GRB14: variants seen among roughly 807,000 people sequenced by gnomAD.
GRB14 encodes growth factor receptor bound protein 14, also known as growth factor receptor-bound protein 14.
GRB14 carries 38 observed loss-of-function variants against 69.1 expected under a neutral mutation model. The ratio of observed to expected loss-of-function variants is 0.55; its 90% CI spans 0.42 to 0.72. GRB14 has a LOEUF of 0.72. Ranked by LOEUF, GRB14 falls within the 30% of genes least tolerant of loss-of-function variation. GRB14 has a pLI of 0.00. For synonymous variants in GRB14, 247 were observed against 241.3 expected (o/e 1.02, Z -0.22); for missense variants, 666 against 666.1 (o/e 1.00, Z 0.00).
chr2:164,520,533 G>A (rs1217050196), intron 6 of GRB14, among the ~76,000 whole-genome samples: 3 of 152,042 alleles, frequency 2.0e-5, no homozygotes, highest in Non-Finnish European at 4.4e-5. Context: ...AAAAGCTTCT[G>A]CACAGCAAAA....
At chr2:164,575,597 G>A (rs1306213869) in intron 2 of GRB14, among the ~76,000 whole-genome samples, 2 of 152,028 alleles carry the variant, frequency 1.3e-5, no homozygotes, top group Non-Finnish European at 2.9e-5. Context: ...TGCTAACTAA[G>A]ATCAAAAAGA....
At chr2:164,565,482 C>G (rs747418020) in intron 2 of GRB14, among the ~76,000 whole-genome samples, 1 of 152,154 alleles carries the variant, frequency 6.6e-6, no homozygotes, top group African/African-American at 2.4e-5. Context: ...TAACACGTAT[C>G]TAGGAGAAGC....
At chr2:164,607,138 C>T (rs1273065536) in intron 2 of GRB14, among the ~76,000 whole-genome samples, 1 of 152,196 alleles carries the variant, frequency 6.6e-6, no homozygotes, top group Non-Finnish European at 1.5e-5. Flanking sequence ...CAATATCAGA[C>T]TCTTCCTGGA....
intron 3 of GRB14, among the ~76,000 whole-genome samples, chr2:164,542,246 C>A (rs1168077876): frequency 1.3e-5 from 2 of 152,098 alleles, no homozygotes; most frequent in Non-Finnish European, 2.9e-5. Context: ...TGAAAGTGGA[C>A]CCCTACCTTG....
chr2:164,496,963 G>T, intron 12 of GRB14, 45 bp downstream of exon 12: 1 of 1,433,812 alleles, frequency 7.0e-7, no homozygotes, highest in South Asian at 1.1e-5. Flanking sequence ...GCTTATAGGA[G>T]AAATCCAATT....
rs79329766 is a variant in GRB14, at chr2:164,552,190, G to C, written c.325-4374C>G. On this transcript the variant is annotated intron_variant, in intron 2 of 13. Coordinates refer to ENST00000263915, the MANE Select transcript of GRB14 (RefSeq NM_004490.3). ...GCTAAGCTCCACCTCCAACATTGGC[G>C]ATCAAATTTCAACATGAGATTTGGA... Among the ~76,000 whole-genome samples the C allele has an allele frequency of 4.7e-3, 719 of 152,302 alleles. 5 individuals are homozygous for C. Among genetic ancestry groups the C allele is most frequent in the African/African-American group, 0.016 (684 of 41,552 alleles).
chr2:164,521,623 G>A lies in GRB14; in HGVS notation c.816+357C>T, dbSNP rs1214118049. On this transcript the variant is annotated intron_variant, in intron 6 of 13. Coordinates refer to ENST00000263915, the MANE Select transcript of GRB14 (RefSeq NM_004490.3). ...GATGTTGATCAACAGAGATTCAGAA[G>A]TAGACAAGATCAGCAGTATGACCTG... is the stretch of plus-strand genomic sequence containing the variant. Among the ~76,000 whole-genome samples the A allele has an allele frequency of 2.0e-5, 3 of 152,182 alleles. No homozygotes were observed. The East Asian group carries it at 5.8e-4, about 29-fold the overall frequency.
In GRB14 at chr2:164,587,723, A is replaced by T. The variant is rs74405318; in HGVS notation, c.324+31964T>A. Among the ~76,000 whole-genome samples, 413 of 152,334 alleles carry T rather than the reference A, an allele frequency of 2.7e-3. 2 individuals are homozygous for T. Among genetic ancestry groups the T allele is most frequent in the African/African-American group, 8.7e-3 (363 of 41,584 alleles). On this transcript the variant is annotated intron_variant, in intron 2 of 13. Coordinates refer to ENST00000263915, the MANE Select transcript of GRB14 (RefSeq NM_004490.3). ...CCATTTTTATTTTTTCCAATGCAAG[A>T]TCTGCTAGGCTTACTAATCGAAAAC...
intron 2 of GRB14, chr2:164,573,807 C>A: frequency 5.6e-6 from 9 of 1,612,732 alleles, no homozygotes; most frequent in Non-Finnish European, 7.6e-6. Context: ...AACATGTTGG[C>A]AGATAAATTG....
intron 2 of GRB14, among the ~76,000 whole-genome samples, chr2:164,564,026 G>A (rs991210106): frequency 6.6e-6 from 1 of 152,138 alleles, no homozygotes; most frequent in Non-Finnish European, 1.5e-5. Context: ...TGACAAATGA[G>A]TAATAAAGGT....
At chr2:164,528,215 TG>T (rs1687831780) in intron 3 of GRB14, among the ~76,000 whole-genome samples, 1 of 152,100 alleles carries the variant, frequency 6.6e-6, no homozygotes, top group Admixed American at 6.5e-5. Context: ...TTCTTGATCT[TG>T]GGGTTGGTTA....
intron 2 of GRB14, among the ~76,000 whole-genome samples, chr2:164,604,589 G>C (rs1280471079): frequency 6.6e-6 from 1 of 151,044 alleles, no homozygotes; most frequent in Non-Finnish European, 1.5e-5. Context: ...ATGGGATTGA[G>C]AACAAAGACA....
chr2:164,582,130 C>T (rs1170825455), intron 2 of GRB14, among the ~76,000 whole-genome samples: 1 of 152,122 alleles, frequency 6.6e-6, no homozygotes, highest in Admixed American at 6.5e-5. Flanking sequence ...TTTGATATCC[C>T]CATTTGGATG....
chr2:164,621,041 A>AC lies in GRB14; in HGVS notation c.191+77dup. The AC allele has an allele frequency of 8.5e-7, 1 of 1,173,122 alleles. No homozygotes were observed. Among genetic ancestry groups the AC allele is most frequent in the South Asian group, 4.4e-5 (1 of 22,708 alleles). The allele number at this position is 1,173,122 out of a possible 1,614,324, so 72.7% of individuals were successfully genotyped here. ...TGGCCCAGCTCTGGGCACATGGCTC[A>AC]CCCCCTAGGACCGCCTCCTCACCCC... On this transcript the variant is annotated intron_variant, in intron 1 of 13. Transcript: ENST00000263915. The surrounding 1 kb of genome is among the most constrained non-coding windows in gnomAD (Gnocchi z 6.0).
chr2:164,566,716 T>C (rs1688984530), intron 2 of GRB14, among the ~76,000 whole-genome samples: 1 of 152,096 alleles, frequency 6.6e-6, no homozygotes, highest in African/African-American at 2.4e-5. Flanking sequence ...TAATGTTTTA[T>C]AATAATTCTA....
At position 164,518,832 on chromosome 2, in the gene GRB14, G is replaced by A. The variant is rs553296558; in HGVS notation, c.816+3148C>T. Among the ~76,000 whole-genome samples, 23 of 151,878 alleles carry A rather than the reference G, an allele frequency of 1.5e-4. 1 individual carries two copies. The South Asian group carries it at 4.0e-3, about 26-fold the overall frequency. On this transcript the variant is annotated intron_variant, in intron 6 of 13. Transcript: ENST00000263915. ...GATTAAGCCAGGAAGACATAAAAAC[G>A]CTGAGCAGACCAATAACAAGCAGTG...
chr2:164,619,184 G>A (rs1690380504), intron 2 of GRB14, among the ~76,000 whole-genome samples: 5 of 152,188 alleles, frequency 3.3e-5, no homozygotes, highest in Admixed American at 3.3e-4. Flanking sequence ...GGAATCCACT[G>A]AAATGAAGAC....
intron 2 of GRB14, among the ~76,000 whole-genome samples, chr2:164,579,215 A>G (rs558549669): frequency 6.6e-6 from 1 of 152,216 alleles, no homozygotes; most frequent in Non-Finnish European, 1.5e-5. Context: ...CATGGGCTAA[A>G]TGATAAAATA....
At position 164,523,803 on chromosome 2, in the gene GRB14, T is replaced by C. The variant is rs570871979; in HGVS notation, c.678+1201A>G. Among the ~76,000 whole-genome samples, 3 of 152,220 alleles carry C rather than the reference T, an allele frequency of 2.0e-5. No individual in the cohort carries two copies. The South Asian group carries it at 6.2e-4, about 32-fold the overall frequency. On this transcript the variant is annotated intron_variant, in intron 5 of 13. Transcript: ENST00000263915. ...TGCAGGACTATCTGATTCCAAAGCC[T>C]GTGATTTTTCTTGTTTTTATAATTT... is the stretch of plus-strand genomic sequence containing the variant.
Sources: gnomAD v4.1 joint callset for allele counts (sites outside exome capture counted in the v4.1 genomes callset) on GRCh38, gnomAD v4.1.1 for gene constraint, Gnocchi (gnomAD v3.1) non-coding constraint, MANE v1.5 for transcripts, NCBI Gene and HGNC (gene_info 2026-07-23, HGNC 2026-07-21) for gene names.